The following DEUP1 variants were observed in gnomAD, a reference collection of about 807,000 sequenced individuals.
DEUP1 encodes the protein deuterosome assembly protein 1, also known as coiled-coil domain containing 67.
A neutral mutation model predicts 87.4 loss-of-function variants in DEUP1; 82 were observed. The observed-to-expected ratio is 0.94, with a 90% confidence interval of 0.78 to 1.13. The LOEUF (loss-of-function observed/expected upper bound fraction) is 1.13. DEUP1 is among the 50% of genes most tolerant of loss of function. The probability of loss-of-function intolerance (pLI) is 0.00; values close to 1 mark genes in which losing one functional copy is unlikely to be tolerated. For synonymous variants in DEUP1, 214 were observed against 222.7 expected (o/e 0.96, Z 0.35); for missense variants, 663 against 681.5 (o/e 0.97, Z 0.30).
Position 93,385,524 on chromosome 11 carries a change from G to A in DEUP1, c.916G>A (p.Ala306Thr), listed in dbSNP as rs778764355. 2 of 1,604,792 alleles carry A rather than the reference G, an allele frequency of 1.2e-6. No individual in the cohort carries two copies. The highest frequency in any genetic ancestry group is 3.4e-5 in the Admixed American group (2 of 58,134). Reference sequence around the variant, plus strand: ...ATTAAAAATAGGAGAGTGCCAAAATGCTCAAGGAAATAAAACAAGGTATAA... The same window carrying A: ...ATTAAAAATAGGAGAGTGCCAAAATACTCAAGGAAATAAAACAAGGTATAA... Reference protein sequence around the residue: ...ELLKIGECQNAQGNKTRLESS... With the variant: ...ELLKIGECQNTQGNKTRLESS... Residue 306 changes from alanine to threonine, a missense_variant, in exon 8 of 14, where the codon GCT (alanine) becomes ACT (threonine). Physicochemically the swap from Ala to Thr is moderately conservative, Grantham distance 58 (BLOSUM62 0). Transcript: ENST00000298050.
At position 93,408,261 on chromosome 11, in the gene DEUP1, A is replaced by C. The variant is rs370375086; in HGVS notation, c.1357A>C (p.Arg453=). Residue 453 remains arginine, a synonymous_variant, in exon 12 of 14, where the codon AGG becomes CGG. Transcript: ENST00000298050. ...SMDFTNREQS[R]HTSINKLQYE... ...GGACTTCACTAACAGGGAACAGTCA[A>C]GGCATACATCTATTAATAAACTGCA... 13 of 1,582,230 alleles carry C rather than the reference A, an allele frequency of 8.2e-6. No individual in the cohort carries two copies. The highest frequency in any genetic ancestry group is 1.3e-5 in the African/African-American group (1 of 74,276).
At chr11:93,405,379 A>G (rs941053081) in intron 11 of DEUP1, among the ~76,000 whole-genome samples, 1 of 152,008 alleles carries the variant, frequency 6.6e-6, no homozygotes, top group Non-Finnish European at 1.5e-5. Flanking sequence ...CCTCTCAAAA[A>G]GAATAAATGT....
At position 93,371,035 on chromosome 11, in the gene DEUP1, C is replaced by T. The variant is rs1344585240; in HGVS notation, c.547-3C>T. 1.2e-6 allele frequency: 2 copies of T among 1,604,666 alleles called. No homozygotes were observed. Among genetic ancestry groups the T allele is most frequent in the African/African-American group, 2.7e-5 (2 of 74,502 alleles). On this transcript the variant is annotated splice_region_variant and splice_polypyrimidine_tract_variant and intron_variant, in intron 6 of 13. Transcript: ENST00000298050. ...TGAGTTACACAGTTTTTATATTTTT[C>T]AGAAACAGGCACAAAGTTACCAAAC...
rs11020286 is a variant in DEUP1, at chr11:93,373,243, G to T, written c.789+1963G>T. Among the ~76,000 whole-genome samples, 648 of 151,850 alleles carry T rather than the reference G, an allele frequency of 4.3e-3. 6 individuals are homozygous for T. The highest frequency in any genetic ancestry group is 0.014 in the Middle Eastern group (4 of 292). On this transcript the variant is annotated intron_variant, in intron 7 of 13. Coordinates refer to ENST00000298050, the MANE Select transcript of DEUP1 (RefSeq NM_181645.4). ...TTTTGGCAGGGGAACAGGTGGTGGT[G>T]GTTGGTTACATAAATAAGTTCTTTA...
intron 2 of DEUP1, among the ~76,000 whole-genome samples, chr11:93,349,613 G>A (rs1043174386): frequency 6.6e-6 from 1 of 151,708 alleles, no homozygotes; most frequent in African/African-American, 2.4e-5. Context: ...TCAAAGAAGA[G>A]CTAGAATTAG....
chr11:93,430,760 CAAG>C (rs1228530454), intron 13 of DEUP1, among the ~76,000 whole-genome samples: 7 of 151,948 alleles, frequency 4.6e-5, no homozygotes, highest in Non-Finnish European at 7.4e-5. Flanking sequence ...CAAAAACAAA[CAAG>C]AGGAGAAAAA....
At chr11:93,411,911 C>T (rs555702915) in intron 12 of DEUP1, among the ~76,000 whole-genome samples, 3 of 152,244 alleles carry the variant, frequency 2.0e-5, no homozygotes, top group Non-Finnish European at 4.4e-5. Context: ...TTTGTAATAA[C>T]CACTCACAAG....
intron 5 of DEUP1, among the ~76,000 whole-genome samples, chr11:93,365,595 C>A (rs77234779): frequency 6.6e-6 from 1 of 152,192 alleles, no homozygotes; most frequent in East Asian, 1.9e-4. Context: ...CAAAAAAAGC[C>A]TTAAGTTAGT....
chr11:93,387,919 C>T (rs756081313), intron 8 of DEUP1, among the ~76,000 whole-genome samples: 20 of 151,974 alleles, frequency 1.3e-4, no homozygotes, highest in Non-Finnish European at 2.5e-4. Flanking sequence ...TCTTTGCACA[C>T]ATATATGCAT....
rs1944848604 is a variant in DEUP1, at chr11:93,355,426, G to C, written c.85G>C (p.Val29Leu). 1 of 1,613,740 alleles carries C rather than the reference G, an allele frequency of 6.2e-7. No homozygotes were observed. Among genetic ancestry groups the C allele is most frequent in the African/African-American group, 1.3e-5 (1 of 75,028 alleles). ...QELMEQIDIM[V>L]SNKKMDWERK... is the part of the protein sequence containing the mutation. ...ATTAATGGAACAAATTGACATCATGGTAAGCAACAAGAAAATGGATTGGGA... is the reference window on the plus strand; with the variant it reads ...ATTAATGGAACAAATTGACATCATGCTAAGCAACAAGAAAATGGATTGGGA... The change falls in exon 3 of 14, where the codon GTA (valine) becomes CTA (leucine). Residue 29 changes from valine (V) to leucine (L), a missense_variant. Coordinates refer to ENST00000298050, the MANE Select transcript of DEUP1 (RefSeq NM_181645.4).
intron 13 of DEUP1, among the ~76,000 whole-genome samples, chr11:93,418,707 A>C (rs1371403377): frequency 1.3e-5 from 2 of 151,424 alleles, no homozygotes; most frequent in East Asian, 2.0e-4. Flanking sequence ...ACTATAAATC[A>C]TGCTGCTATA....
In DEUP1 at chr11:93,437,643, A is replaced by C; in HGVS notation, c.1739A>C (p.His580Pro). The change falls in exon 14 of 14, where the codon CAT becomes CCT. Residue 580 changes from histidine (H) to proline (P), a missense_variant. By Grantham distance (77) the His-to-Pro change is moderately conservative. Transcript: ENST00000298050. ...AKELEKLLNT[H>P]IDELQRHTEF... ...GAACTTGAAAAACTTCTAAATACAC[A>C]TATTGATGAACTGCAAAGACACACA... The C allele has an allele frequency of 6.2e-7, 1 of 1,609,994 alleles. No homozygotes were observed. The highest frequency in any genetic ancestry group is 8.5e-7 in the Non-Finnish European group (1 of 1,176,298).
chr11:93,397,863 A>G (rs1946987516), intron 11 of DEUP1, among the ~76,000 whole-genome samples: 1 of 152,206 alleles, frequency 6.6e-6, no homozygotes, highest in South Asian at 2.1e-4. Context: ...TCAGTAGATG[A>G]ACATCCCTTT....
rs58414279 is a variant in DEUP1, at chr11:93,413,889, G to A, written c.1524-1111G>A. On this transcript the variant is annotated intron_variant, in intron 12 of 13. Transcript: ENST00000298050. Reference sequence around the variant, plus strand: ...TGATTTAAAAAGTAAATAATTAGACGAATAATTGAACTTTTAAATCTTAGT... The same window carrying A: ...TGATTTAAAAAGTAAATAATTAGACAAATAATTGAACTTTTAAATCTTAGT... Among the ~76,000 whole-genome samples the A allele has an allele frequency of 8.2e-3, 1,252 of 152,186 alleles. 19 individuals are homozygous for A. The highest frequency in any genetic ancestry group is 0.029 in the African/African-American group (1,200 of 41,510).
chr11:93,412,535 A>C lies in DEUP1; in HGVS notation c.1524-2465A>C, dbSNP rs112293829. Among the ~76,000 whole-genome samples, 241 of 152,306 alleles carry C rather than the reference A, an allele frequency of 1.6e-3. 1 individual carries two copies. The highest frequency in any genetic ancestry group is 5.5e-3 in the African/African-American group (230 of 41,576). ...TCTACATTTTATTGATCTTACACTA[A>C]AAAGAATGTCCCTATATAAATGTTA... On this transcript the variant is annotated intron_variant, in intron 12 of 13. Transcript: ENST00000298050.
intron 2 of DEUP1, among the ~76,000 whole-genome samples, chr11:93,348,613 G>A (rs968369350): frequency 5.3e-5 from 8 of 152,168 alleles, no homozygotes; most frequent in African/African-American, 1.9e-4. Flanking sequence ...TCAGAAGCAG[G>A]TTATTCAGTT....
At chr11:93,393,445 C>A (rs1303034512) in intron 9 of DEUP1, among the ~76,000 whole-genome samples, 1 of 151,892 alleles carries the variant, frequency 6.6e-6, no homozygotes, top group Non-Finnish European at 1.5e-5. Flanking sequence ...TTCCAGGCAT[C>A]CTTCCCACCT....
At chr11:93,405,936 T>G (rs1380832063) in intron 11 of DEUP1, among the ~76,000 whole-genome samples, 1 of 151,940 alleles carries the variant, frequency 6.6e-6, no homozygotes, top group Non-Finnish European at 1.5e-5. Context: ...ATTACCGTTT[T>G]GAAAACATAG....
chr11:93,419,120 C>T (rs953471469), intron 13 of DEUP1, among the ~76,000 whole-genome samples: 3 of 151,076 alleles, frequency 2.0e-5, no homozygotes, highest in Non-Finnish European at 4.4e-5. Context: ...CAGCATGTCA[C>T]ATGTATACAT....
Sources: allele counts gnomAD v4.1 joint callset (sites outside exome capture counted in the v4.1 genomes callset), GRCh38; gene constraint gnomAD v4.1.1; transcripts MANE v1.5; gene names NCBI Gene and HGNC (gene_info 2026-07-23, HGNC 2026-07-21).